SMARCA5: variants seen among roughly 807,000 people sequenced by gnomAD.
SMARCA5 encodes the protein SNF2 related chromatin remodeling ATPase 5.
SMARCA5 carries 18 observed loss-of-function variants against 140.4 expected under a neutral mutation model. The ratio of observed to expected loss-of-function variants is 0.13; its 90% CI spans 0.09 to 0.19. The LOEUF (loss-of-function observed/expected upper bound fraction) is 0.19, where lower values mean the gene tolerates loss of function less well. Ranked by LOEUF, SMARCA5 falls within the 10% of genes least tolerant of loss-of-function variation. SMARCA5 has a pLI of 1.00. For synonymous variants in SMARCA5, 449 were observed against 419.6 expected, an observed-to-expected ratio of 1.07 and a Z score of -0.86; for missense variants, 606 against 1,276.8, an observed-to-expected ratio of 0.47 and a Z score of 8.01.
At chr4:143,533,838 C>T (rs1404582107) in intron 9 of SMARCA5, among the ~76,000 whole-genome samples, 2 of 152,124 alleles carry the variant, frequency 1.3e-5, no homozygotes, top group Non-Finnish European at 2.9e-5. Context: ...TGAAAGGCAG[C>T]AAATTGTTGA....
chr4:143,550,588 C>T (rs1029425022), intron 23 of SMARCA5, among the ~76,000 whole-genome samples: 1 of 151,926 alleles, frequency 6.6e-6, no homozygotes, highest in African/African-American at 2.4e-5. Flanking sequence ...TTTCCCCCAC[C>T]CCCACTGCCT....
intron 9 of SMARCA5, among the ~76,000 whole-genome samples, chr4:143,533,495 A>ATTTTTTT (rs1737240252): frequency 8.0e-6 from 1 of 125,716 alleles, no homozygotes; most frequent in African/African-American, 2.9e-5. Flanking sequence ...ACCCTTGTCC[A>ATTTTTTT]TTCTTTTTTT....
At chr4:143,530,269 G>T (rs190024354) in intron 8 of SMARCA5, among the ~76,000 whole-genome samples, 189 bp from the exon 9 acceptor site, 2 of 152,308 alleles carry the variant, frequency 1.3e-5, no homozygotes, top group East Asian at 3.9e-4. Flanking sequence ...AGAAGGTAGT[G>T]TGATTTCTGA....
At chr4:143,517,990 A>G (rs565189024) in intron 2 of SMARCA5, among the ~76,000 whole-genome samples, 1 of 152,326 alleles carries the variant, frequency 6.6e-6, no homozygotes, top group East Asian at 1.9e-4. Context: ...GTCATTATCT[A>G]GTTATGTTAA....
chr4:143,552,244 A>G (rs1270235234), intron 23 of SMARCA5, among the ~76,000 whole-genome samples: 3 of 151,968 alleles, frequency 2.0e-5, no homozygotes, highest in African/African-American at 7.2e-5. Context: ...TTGATTTTGT[A>G]TCCTGCAGTG....
chr4:143,536,063 T>G (rs932421203), intron 10 of SMARCA5, among the ~76,000 whole-genome samples: 4 of 152,202 alleles, frequency 2.6e-5, no homozygotes, highest in African/African-American at 7.2e-5. Context: ...ATGGGGTATA[T>G]AGTAATCGAA....
intron 14 of SMARCA5, among the ~76,000 whole-genome samples, chr4:143,541,236 G>A (rs756888951): frequency 6.6e-6 from 1 of 152,142 alleles, no homozygotes; most frequent in Admixed American, 6.5e-5. Flanking sequence ...CAAGAAAAGG[G>A]GTGGGAAACT....
At position 143,553,446 on chromosome 4, in the gene SMARCA5, G is replaced by A. The variant is rs1737685033; in HGVS notation, c.*262G>A. 1 of 321,130 alleles carries A rather than the reference G, an allele frequency of 3.1e-6. No individual in the cohort carries two copies. The highest frequency in any genetic ancestry group is 5.3e-5 in the East Asian group (1 of 18,736). The allele number at this position is 321,130 out of a possible 1,614,324, so 19.9% of individuals were successfully genotyped here. A position where few individuals can be genotyped will look rare whatever the true frequency, so the allele number is the denominator to read the frequency against. On this transcript the variant is annotated 3_prime_UTR_variant, in exon 24 of 24. Transcript: ENST00000283131. ...GTTTCATTTGATTTATTTTTCTATT[G>A]TAGTTCCATTTGTGAAGATTGTGAC...
chr4:143,523,677 G>T (rs147536815), intron 3 of SMARCA5, among the ~76,000 whole-genome samples: 26 of 152,320 alleles, frequency 1.7e-4, no homozygotes, highest in Non-Finnish European at 3.2e-4. Flanking sequence ...TAGCAAGCAT[G>T]TGGTTTTGGT....
At chr4:143,532,586 G>T (rs911577695) in intron 9 of SMARCA5, among the ~76,000 whole-genome samples, 1 of 152,136 alleles carries the variant, frequency 6.6e-6, no homozygotes, top group Non-Finnish European at 1.5e-5. Context: ...AATGAAAGGA[G>T]GGTTTAGAAG....
intron 2 of SMARCA5, 33 bp from the exon 3 acceptor site, chr4:143,521,396 T>A (rs188744899): frequency 6.6e-7 from 1 of 1,519,446 alleles, no homozygotes; most frequent in East Asian, 2.3e-5. Context: ...ATTGATACTC[T>A]GATAAAATGT....
intron 2 of SMARCA5, among the ~76,000 whole-genome samples, chr4:143,519,964 T>C (rs1221215547): frequency 5.3e-5 from 8 of 152,284 alleles, no homozygotes; most frequent in Admixed American, 1.3e-4. Context: ...TAGCCTCTAT[T>C]ATCCTACCTC....
rs749523682 is a variant in SMARCA5 at position 143,536,432 on chromosome 4, T to C, written c.1269-20T>C. 4 of 1,547,880 alleles carry C rather than the reference T, an allele frequency of 2.6e-6. No homozygotes were observed. The highest frequency in any genetic ancestry group is 3.6e-6 in the Non-Finnish European group (4 of 1,120,232). On this transcript the variant is annotated intron_variant, in intron 10 of 23. Coordinates refer to ENST00000283131, the MANE Select transcript of SMARCA5 (RefSeq NM_003601.4). The stretch of plus-strand genomic sequence containing the variant: ...TCAAGGAACATTTGAGCTCTAAAAA[T>C]GTTTTTCTTCTTTGAATAGGTATAC...
intron 9 of SMARCA5, among the ~76,000 whole-genome samples, chr4:143,531,893 C>T (rs1476759668): frequency 6.6e-6 from 1 of 152,186 alleles, no homozygotes; most frequent in Non-Finnish European, 1.5e-5. Flanking sequence ...CTGAACCAGC[C>T]AGGCTGAGGC....
intron 1 of SMARCA5, among the ~76,000 whole-genome samples, chr4:143,515,668 A>C (rs1373966010): frequency 6.6e-6 from 1 of 152,184 alleles, no homozygotes; most frequent in Admixed American, 6.5e-5. Flanking sequence ...TTTTAAATGA[A>C]AATTGATTTT....
rs1737311290 is a variant in SMARCA5 at position 143,536,688 on chromosome 4, A to G, written c.1495+10A>G. On this transcript the variant is annotated intron_variant, in intron 11 of 23. Coordinates refer to ENST00000283131, the MANE Select transcript of SMARCA5 (RefSeq NM_003601.4). Reference sequence around the variant, plus strand: ...AAGTTAAAAGAACAAGGTATCGGTTACCCGTATCAAATTATCAAAACTGTT... The same window carrying G: ...AAGTTAAAAGAACAAGGTATCGGTTGCCCGTATCAAATTATCAAAACTGTT... 6.3e-7 allele frequency: 1 copy of G among 1,576,726 alleles called. No homozygotes were observed.
rs1035443758 is a variant in SMARCA5 at position 143,513,807 on chromosome 4, G to T, written c.-118G>T. 2 of 1,206,054 alleles carry T rather than the reference G, an allele frequency of 1.7e-6. No homozygotes were observed. The highest frequency in any genetic ancestry group is 1.5e-5 in the African/African-American group (1 of 64,694). 74.7% of individuals were successfully genotyped at this position (1,206,054 alleles called of 1,614,324 possible). On this transcript the variant is annotated 5_prime_UTR_variant, in exon 1 of 24. Coordinates refer to ENST00000283131, the MANE Select transcript of SMARCA5 (RefSeq NM_003601.4). ...GAGGCGCGGCGCAGGGGAGCGCTCG[G>T]GTGGGAGTCTCGCTCCTCCACCAGT... is the stretch of plus-strand genomic sequence containing the variant.
At chr4:143,549,903 A>C in intron 22 of SMARCA5, 94 bp from the exon 23 acceptor site, 1 of 638,342 alleles carries the variant, frequency 1.6e-6, no homozygotes, top group Non-Finnish European at 2.8e-6. Flanking sequence ...TAGTGGTTTT[A>C]TATATTATCC....
chr4:143,522,765 T>C (rs1041107285), intron 3 of SMARCA5, among the ~76,000 whole-genome samples: 9 of 152,186 alleles, frequency 5.9e-5, no homozygotes, highest in Non-Finnish European at 1.0e-4. Context: ...GTCAGTATGA[T>C]GTCTCGAAAA....
Sources: gnomAD v4.1 joint callset for allele counts (sites outside exome capture counted in the v4.1 genomes callset) on GRCh38, gnomAD v4.1.1 for gene constraint, MANE v1.5 for transcripts, NCBI Gene and HGNC (gene_info 2026-07-23, HGNC 2026-07-21) for gene names.